Variants in DCPS observed in about 807,000 individuals in gnomAD.
DCPS encodes the protein decapping enzyme, scavenger, also known as m7GpppX diphosphatase.
A neutral mutation model predicts 34.7 loss-of-function variants in DCPS; 27 were observed. The ratio of observed to expected loss-of-function variants is 0.78; its 90% CI spans 0.57 to 1.07. The LOEUF is 1.07. Among genes scored for constraint, DCPS ranks in the 50% least tolerant of loss-of-function variants. The pLI is 0.00. For synonymous variants in DCPS, 185 were observed against 185.7 expected (o/e 1.00, Z 0.03); for missense variants, 464 against 436.9 (o/e 1.06, Z -0.55).
Position 126,331,696 on chromosome 11 carries a change from C to A in DCPS, c.522+146C>A. ...CAGTAGAGAGCATGGCGGACAGAAT[C>A]CCCACCTCGTGCAGCTTACATCCCA... On this transcript the variant is annotated intron_variant, in intron 3 of 5. Coordinates refer to ENST00000263579, the MANE Select transcript of DCPS (RefSeq NM_014026.6). This position sits in a 1 kb window ranked among gnomAD's most constrained non-coding sequence, Gnocchi z 7.2. The A allele has an allele frequency of 1.0e-6, 1 of 992,540 alleles. No homozygotes were observed. The allele number at this position is 992,540 out of a possible 1,614,324, so 61.5% of individuals were successfully genotyped here. A position where few individuals can be genotyped will look rare whatever the true frequency, so the allele number is the denominator to read the frequency against.
chr11:126,344,028 C>A lies in DCPS; in HGVS notation c.747+611C>A, dbSNP rs1394816433. Among the ~76,000 whole-genome samples, 1 of 152,142 alleles carries A rather than the reference C, an allele frequency of 6.6e-6. No individual in the cohort carries two copies. The highest frequency in any genetic ancestry group is 2.4e-5 in the African/African-American group (1 of 41,448). On this transcript the variant is annotated intron_variant, in intron 5 of 5. Transcript: ENST00000263579. This position sits in a 1 kb window ranked among gnomAD's most constrained non-coding sequence, Gnocchi z 8.1. ...CTGAGTGGCCTGGGGCAGGTCACTTCACCTCCCTAAACCACATTATCTAGA... is the reference window on the plus strand; with the variant it reads ...CTGAGTGGCCTGGGGCAGGTCACTTAACCTCCCTAAACCACATTATCTAGA...
At position 126,345,558 on chromosome 11, in the gene DCPS, C is replaced by T. The variant is rs1951917008; in HGVS notation, c.959C>T (p.Ala320Val). Residue 320 changes from alanine (A) to valine (V), a missense_variant, in exon 6 of 6, where the codon GCC becomes GTC. Physicochemically the swap from Ala to Val is moderately conservative, Grantham distance 64. Coordinates refer to ENST00000263579, the MANE Select transcript of DCPS (RefSeq NM_014026.6). The surrounding 1 kb of genome is among the most constrained non-coding windows in gnomAD (Gnocchi z 7.4). ...TACCAGCAGCGCACGCTCACCTTCG[C>T]CCTCAGGGCTGACGACCCCCTGCTC... is the stretch of plus-strand genomic sequence containing the variant. ...RHYQQRTLTFALRADDPLLKL... is the reference protein window; with the variant it reads ...RHYQQRTLTFVLRADDPLLKL... 1 of 1,613,946 alleles carries T rather than the reference C, an allele frequency of 6.2e-7. No homozygotes were observed. The highest frequency in any genetic ancestry group is 1.3e-5 in the African/African-American group (1 of 75,066).
At chr11:126,311,703 T>C (rs1951619580) in intron 2 of DCPS, among the ~76,000 whole-genome samples, 3 of 152,138 alleles carry the variant, frequency 2.0e-5, no homozygotes, top group African/African-American at 7.2e-5. Context: ...TGGGGTGGGA[T>C]GGTGGCAGGG....
intron 2 of DCPS, among the ~76,000 whole-genome samples, chr11:126,324,609 T>G (rs1951727738): frequency 6.7e-6 from 1 of 148,296 alleles, no homozygotes; most frequent in African/African-American, 2.5e-5. Context: ...TGCACCACCA[T>G]GCCTAGCTAA....
intron 4 of DCPS, among the ~76,000 whole-genome samples, chr11:126,340,606 C>T (rs1951868336): frequency 6.6e-6 from 1 of 152,192 alleles, no homozygotes; most frequent in Non-Finnish European, 1.5e-5. Context: ...GAAGATAGGC[C>T]ATGCCTGGGC....
At chr11:126,314,471 C>T (rs982710812) in intron 2 of DCPS, among the ~76,000 whole-genome samples, 10 of 151,252 alleles carry the variant, frequency 6.6e-5, no homozygotes, top group Admixed American at 3.9e-4. Flanking sequence ...CCATTTGATC[C>T]GGCAATCCCA....
chr11:126,345,318 T>C lies in DCPS; in HGVS notation c.748-29T>C. The C allele has an allele frequency of 6.2e-7, 1 of 1,612,296 alleles. No homozygotes were observed. The highest frequency in any genetic ancestry group is 8.5e-7 in the Non-Finnish European group (1 of 1,179,504). On this transcript the variant is annotated intron_variant, in intron 5 of 5. Transcript: ENST00000263579. The surrounding 1 kb of genome is among the most constrained non-coding windows in gnomAD (Gnocchi z 7.4). Reference sequence around the variant, plus strand: ...GCCGGGCCTCAGGCAGCACGGTGACTCCTGACCTGCCTGCCCCTGTCTCAT... The same window carrying C: ...GCCGGGCCTCAGGCAGCACGGTGACCCCTGACCTGCCTGCCCCTGTCTCAT...
chr11:126,306,820 ACTCT>A (rs1354704837), intron 2 of DCPS, 76 bp downstream of exon 2: 2 of 1,498,166 alleles, frequency 1.3e-6, no homozygotes, highest in African/African-American at 1.4e-5. Flanking sequence ...TGGTGACCAG[ACTCT>A]CTATACCCGA....
rs527294427 is a variant in DCPS, at chr11:126,345,443, G to A, written c.844G>A (p.Ala282Thr). ...CTACCACCTGCATGTGCACTTCACC[G>A]CCCTGGGCTTCGAGGCCCCCGGCTC... ...SYYHLHVHFTALGFEAPGSGV... is the reference protein window; with the variant it reads ...SYYHLHVHFTTLGFEAPGSGV... Residue 282 changes from alanine to threonine, a missense_variant, in exon 6 of 6, where the codon GCC becomes ACC. Ala to Thr is a moderately conservative substitution (Grantham distance 58). Coordinates refer to ENST00000263579, the MANE Select transcript of DCPS (RefSeq NM_014026.6). This position sits in a 1 kb window ranked among gnomAD's most constrained non-coding sequence, Gnocchi z 7.4. 26 of 1,614,040 alleles carry A rather than the reference G, an allele frequency of 1.6e-5. No individual in the cohort carries two copies. The highest frequency in any genetic ancestry group is 1.3e-4 in the Admixed American group (8 of 60,012).
At position 126,315,839 on chromosome 11, in the gene DCPS, G is replaced by A. The variant is rs937838537; in HGVS notation, c.376+9095G>A. Among the ~76,000 whole-genome samples the A allele has an allele frequency of 7.2e-5, 11 of 152,004 alleles. No individual in the cohort carries two copies. The highest frequency in any genetic ancestry group is 1.9e-4 in the East Asian group (1 of 5,156). On this transcript the variant is annotated intron_variant, in intron 2 of 5. Coordinates refer to ENST00000263579, the MANE Select transcript of DCPS (RefSeq NM_014026.6). The surrounding 1 kb of genome is among the most constrained non-coding windows in gnomAD (Gnocchi z 6.1). Reference sequence around the variant, plus strand: ...AGCGATTCTCCTGCCTCAGCCTCCCGAGTAGCTGGGATTACGGGTGCCTGC... The same window carrying A: ...AGCGATTCTCCTGCCTCAGCCTCCCAAGTAGCTGGGATTACGGGTGCCTGC...
Position 126,331,544 on chromosome 11 carries a change from C to T in DCPS, c.516C>T (p.Ser172=), listed in dbSNP as rs1951793694. The change falls in exon 3 of 6, where the codon AGC becomes AGT. Residue 172 remains serine (S), a synonymous_variant. Transcript: ENST00000263579. The surrounding 1 kb of genome is among the most constrained non-coding windows in gnomAD (Gnocchi z 7.2). The part of the protein sequence containing the change: ...TLPHLESQSL[S]IQWVYNILDK... Reference sequence around the variant, plus strand: ...CCCACCTGGAGTCCCAGAGCCTCAGCATCCAGGTGACTGGCTGCATGTCTC... The same window carrying T: ...CCCACCTGGAGTCCCAGAGCCTCAGTATCCAGGTGACTGGCTGCATGTCTC... The T allele has an allele frequency of 6.2e-7, 1 of 1,613,888 alleles. No homozygotes were observed. The highest frequency in any genetic ancestry group is 8.5e-7 in the Non-Finnish European group (1 of 1,179,908).
rs192772434 is a variant in DCPS at position 126,325,664 on chromosome 11, A to G, written c.377-5741A>G. ...AACAAGCTTCATTTGACTCTTTGAC[A>G]TATATGCAAGTACAATTTGAATTAA... is the stretch of plus-strand genomic sequence containing the variant. On this transcript the variant is annotated intron_variant, in intron 2 of 5. Coordinates refer to ENST00000263579, the MANE Select transcript of DCPS (RefSeq NM_014026.6). The surrounding 1 kb of genome is among the most constrained non-coding windows in gnomAD (Gnocchi z 4.3). Among the ~76,000 whole-genome samples the G allele has an allele frequency of 1.3e-3, 202 of 152,348 alleles. No individual in the cohort carries two copies. The highest frequency in any genetic ancestry group is 4.6e-3 in the African/African-American group (191 of 41,586).
Position 126,348,807 on chromosome 11 carries a change from C to G in DCPS, c.*3194C>G, listed in dbSNP as rs956534782. Among the ~76,000 whole-genome samples the G allele has an allele frequency of 5.3e-5, 8 of 152,236 alleles. No individual in the cohort carries two copies. Among genetic ancestry groups the G allele is most frequent in the African/African-American group, 1.9e-4 (8 of 41,456 alleles). ...CTAAGACACTACCTGGCTCAGCAAA[C>G]CAACCTTTGAGACAAAGCAACATTA... On this transcript the variant is annotated 3_prime_UTR_variant, in exon 6 of 6. Coordinates refer to ENST00000263579, the MANE Select transcript of DCPS (RefSeq NM_014026.6). This position sits in a 1 kb window ranked among gnomAD's most constrained non-coding sequence, Gnocchi z 5.3.
intron 2 of DCPS, among the ~76,000 whole-genome samples, chr11:126,316,646 A>T (rs1194704953): frequency 6.9e-4 from 101 of 146,216 alleles, no homozygotes; most frequent in Middle Eastern, 7.1e-3. Flanking sequence ...GCTGAAGTAC[A>T]TTTTTTTTTT....
intron 2 of DCPS, among the ~76,000 whole-genome samples, chr11:126,326,015 C>T (rs1613842): frequency 0.2 from 31,079 of 151,994 alleles, 3,361 homozygotes; most frequent in Non-Finnish European, 0.24. Flanking sequence ...CTACTGGGGA[C>T]GCTGAGGCAG....
chr11:126,343,160 C>CG, intron 4 of DCPS, 147 bp from the exon 5 acceptor site: 2 of 649,170 alleles, frequency 3.1e-6, no homozygotes, highest in South Asian at 3.5e-5. Context: ...CCCACACGCC[C>CG]GGGGTATGCA....
At chr11:126,340,472 C>A (rs1203599531) in intron 4 of DCPS, among the ~76,000 whole-genome samples, 1 of 152,206 alleles carries the variant, frequency 6.6e-6, no homozygotes, top group Non-Finnish European at 1.5e-5. Flanking sequence ...CAGGCGTGAG[C>A]CACCGCGCCC....
chr11:126,307,427 T>A (rs1490635723), intron 2 of DCPS, among the ~76,000 whole-genome samples: 1 of 152,014 alleles, frequency 6.6e-6, no homozygotes, highest in Non-Finnish European at 1.5e-5. Context: ...TATATATTTT[T>A]TGAGATGGAG....
At position 126,313,842 on chromosome 11, in the gene DCPS, T is replaced by G. The variant is rs1267969066; in HGVS notation, c.376+7098T>G. Among the ~76,000 whole-genome samples, 1 of 152,234 alleles carries G rather than the reference T, an allele frequency of 6.6e-6. No individual in the cohort carries two copies. Among genetic ancestry groups the G allele is most frequent in the Non-Finnish European group, 1.5e-5 (1 of 68,042 alleles). On this transcript the variant is annotated intron_variant, in intron 2 of 5. Coordinates refer to ENST00000263579, the MANE Select transcript of DCPS (RefSeq NM_014026.6). The surrounding 1 kb of genome is among the most constrained non-coding windows in gnomAD (Gnocchi z 4.9). ...TACTTAGGTTTTTAAGTGGTACATATTTTATATACATACACACCTGTGTTT... is the reference window on the plus strand; with the variant it reads ...TACTTAGGTTTTTAAGTGGTACATAGTTTATATACATACACACCTGTGTTT...
Sources: allele counts gnomAD v4.1 joint callset (sites outside exome capture counted in the v4.1 genomes callset), GRCh38; gene constraint gnomAD v4.1.1; non-coding constraint Gnocchi (gnomAD v3.1); transcripts MANE v1.5; gene names NCBI Gene and HGNC (gene_info 2026-07-23, HGNC 2026-07-21).